The following GPC6 variants were observed in gnomAD, a reference collection of about 807,000 sequenced individuals.
GPC6 encodes glypican-6.
In GPC6, 14 loss-of-function variants were observed where a neutral mutation model predicts 55.2. The ratio of observed to expected loss-of-function variants is 0.25; its 90% CI spans 0.17 to 0.40. The LOEUF (loss-of-function observed/expected upper bound fraction) is 0.40, where lower values mean the gene tolerates loss of function less well. Among genes scored for constraint, GPC6 ranks in the 10% least tolerant of loss-of-function variants. GPC6 has a pLI of 1.00. For missense variants in GPC6, 641 were observed against 708.5 expected (o/e 0.90, Z 1.08); for synonymous variants, 278 against 259.6 (o/e 1.07, Z -0.68).
At chr13:94,363,707 G>T (rs1487700433) in intron 6 of GPC6, among the ~76,000 whole-genome samples, 1 of 152,118 alleles carries the variant, frequency 6.6e-6, no homozygotes, top group Non-Finnish European at 1.5e-5. Flanking sequence ...GCCATACATG[G>T]CTATTGACCA....
intron 4 of GPC6, among the ~76,000 whole-genome samples, chr13:94,039,321 G>T (rs946049263): frequency 1.3e-5 from 2 of 151,906 alleles, no homozygotes; most frequent in East Asian, 3.9e-4. Context: ...GTAAAAGATG[G>T]ATTCAGATGG....
chr13:94,076,782 A>G (rs1413017074), intron 4 of GPC6, among the ~76,000 whole-genome samples: 2 of 151,802 alleles, frequency 1.3e-5, no homozygotes, highest in African/African-American at 4.8e-5. Flanking sequence ...AAGATAAGTT[A>G]ATCATATACA....
At chr13:94,050,338 C>T (rs1883897750) in intron 4 of GPC6, among the ~76,000 whole-genome samples, 1 of 152,164 alleles carries the variant, frequency 6.6e-6, no homozygotes, top group Non-Finnish European at 1.5e-5. Flanking sequence ...CTGCCTATCT[C>T]ACCAATTTTT....
chr13:93,460,464 TACACA>T (rs1314062353), intron 1 of GPC6, among the ~76,000 whole-genome samples: 1 of 152,214 alleles, frequency 6.6e-6, no homozygotes, highest in Non-Finnish European at 1.5e-5. Context: ...CATTTAAATC[TACACA>T]ACACATTTAC....
intron 4 of GPC6, among the ~76,000 whole-genome samples, chr13:94,091,797 C>T (rs1885486570): frequency 6.6e-6 from 1 of 151,872 alleles, no homozygotes; most frequent in South Asian, 2.1e-4. Flanking sequence ...TATAGAGTCA[C>T]TAAAATGAAA....
chr13:93,939,308 T>A (rs1229913235), intron 3 of GPC6, among the ~76,000 whole-genome samples: 1 of 150,550 alleles, frequency 6.6e-6, no homozygotes, highest in Non-Finnish European at 1.5e-5. Flanking sequence ...AGGAAAAAAA[T>A]ATAAAATTAT....
chr13:93,370,996 TAAAC>T (rs1390650100), intron 1 of GPC6, among the ~76,000 whole-genome samples: 1 of 152,128 alleles, frequency 6.6e-6, no homozygotes, highest in Non-Finnish European at 1.5e-5. Context: ...TTTGTGGAAA[TAAAC>T]AAGTTAGGAG....
rs1018370545 is a variant in GPC6, at chr13:93,376,119, G to A, written c.160+148503G>A. Among the ~76,000 whole-genome samples, 2 of 150,182 alleles carry A rather than the reference G, an allele frequency of 1.3e-5. 1 individual carries two copies. The highest frequency in any genetic ancestry group is 6.9e-3 in the Middle Eastern group (2 of 290). ...AGAGGACATGGAGTAAGCTGGAGGT[G>A]TGCTCCTGAGGTTGCTTGCAGATGT... On this transcript the variant is annotated intron_variant, in intron 1 of 8. Transcript: ENST00000377047.
chr13:93,712,892 G>A lies in GPC6; in HGVS notation c.320-117262G>A, dbSNP rs776384915. ...AATATATATTTCAGAAGATAATAGC[G>A]TATTTTAAAAATTGCTAATGTATTA... On this transcript the variant is annotated intron_variant, in intron 2 of 8. Transcript: ENST00000377047. 1.8e-4 allele frequency among the ~76,000 whole-genome samples: 27 copies of A among 151,158 alleles called. No homozygotes were observed. The South Asian group carries it at 2.7e-3, about 15-fold the overall frequency.
intron 2 of GPC6, among the ~76,000 whole-genome samples, chr13:93,604,789 A>C (rs1878170626): frequency 6.6e-6 from 1 of 152,186 alleles, no homozygotes; most frequent in South Asian, 2.1e-4. Context: ...CCTAGTGAGC[A>C]TCCAGCCTTA....
intron 3 of GPC6, among the ~76,000 whole-genome samples, chr13:93,895,234 G>GTGTATGTATA (rs1196315147): frequency 9.2e-6 from 1 of 108,208 alleles, no homozygotes; most frequent in Non-Finnish European, 1.9e-5. Flanking sequence ...GTGTGTGTGT[G>GTGTATGTATA]TATATATATA....
chr13:93,883,725 C>A (rs1476903511), intron 3 of GPC6, among the ~76,000 whole-genome samples: 1 of 151,910 alleles, frequency 6.6e-6, no homozygotes, highest in African/African-American at 2.4e-5. Flanking sequence ...TAATTTTGAC[C>A]CAACTATGGT....
At chr13:93,712,011 C>T (rs1883085716) in intron 2 of GPC6, among the ~76,000 whole-genome samples, 1 of 151,686 alleles carries the variant, frequency 6.6e-6, no homozygotes, top group African/African-American at 2.4e-5. Context: ...CTGATGCATG[C>T]TACCTCCCTC....
chr13:93,943,243 A>G (rs1878823662), intron 3 of GPC6, among the ~76,000 whole-genome samples: 1 of 152,178 alleles, frequency 6.6e-6, no homozygotes, highest in Non-Finnish European at 1.5e-5. Flanking sequence ...TACTACGTAT[A>G]CTATACTTAA....
At chr13:93,496,521 C>A (rs977790595) in intron 1 of GPC6, among the ~76,000 whole-genome samples, 1 of 152,312 alleles carries the variant, frequency 6.6e-6, no homozygotes, top group East Asian at 1.9e-4. Flanking sequence ...TCCTATTCGG[C>A]CATCTTGGCT....
chr13:93,672,471 T>C (rs192303909), intron 2 of GPC6, among the ~76,000 whole-genome samples: 263 of 152,050 alleles, frequency 1.7e-3, no homozygotes, highest in Non-Finnish European at 2.3e-3. Flanking sequence ...GTATGTTTTT[T>C]TGATGATATG....
intron 1 of GPC6, among the ~76,000 whole-genome samples, chr13:93,230,865 G>C (rs571303368): frequency 6.6e-6 from 1 of 152,122 alleles, no homozygotes; most frequent in Admixed American, 6.5e-5. Flanking sequence ...GTTGTTTCAG[G>C]CTTACTCTGC....
intron 1 of GPC6, among the ~76,000 whole-genome samples, chr13:93,228,206 C>T (rs1267461060): frequency 3.2e-4 from 48 of 152,176 alleles, no homozygotes; most frequent in Admixed American, 3.1e-3. Context: ...GGGACCTGGC[C>T]TCTGGACGCC....
At chr13:94,063,658 C>G (rs1016022574) in intron 4 of GPC6, among the ~76,000 whole-genome samples, 1 of 152,038 alleles carries the variant, frequency 6.6e-6, no homozygotes, top group Non-Finnish European at 1.5e-5. Context: ...TCTCAAAGCC[C>G]GAGCCTTCCT....
Sources: gnomAD v4.1 joint callset for allele counts (sites outside exome capture counted in the v4.1 genomes callset) on GRCh38, gnomAD v4.1.1 for gene constraint, MANE v1.5 for transcripts, NCBI Gene and HGNC (gene_info 2026-07-23, HGNC 2026-07-21) for gene names.